Variants in ITGA8 observed in about 807,000 individuals in gnomAD.
The protein encoded by ITGA8 is integrin subunit alpha 8, also known as integrin alpha-8.
In ITGA8, 91 loss-of-function variants were observed where a neutral mutation model predicts 142.3. The observed-to-expected ratio is 0.64, with a 90% CI of 0.54 to 0.76. The LOEUF (loss-of-function observed/expected upper bound fraction) is 0.76. Ranked by LOEUF, ITGA8 falls within the 30% of genes least tolerant of loss-of-function variation. The probability of loss-of-function intolerance (pLI) is 0.00; values close to 1 mark genes in which losing one functional copy is unlikely to be tolerated. For synonymous variants in ITGA8, 505 were observed against 485.2 expected, an observed-to-expected ratio of 1.04 and a Z score of -0.54; for missense variants, 1,406 against 1,327.7, an observed-to-expected ratio of 1.06 and a Z score of -0.92.
intron 2 of ITGA8, among the ~76,000 whole-genome samples, chr10:15,704,853 C>T (rs1438640318): frequency 3.3e-5 from 5 of 152,158 alleles, no homozygotes; most frequent in Non-Finnish European, 5.9e-5. Context: ...ATAAATTTGC[C>T]TCCCAATAAC....
At chr10:15,662,020 T>G (rs1686905512) in intron 8 of ITGA8, among the ~76,000 whole-genome samples, 1 of 152,170 alleles carries the variant, frequency 6.6e-6, no homozygotes, top group Non-Finnish European at 1.5e-5. Flanking sequence ...ATTGGGCCAT[T>G]TGAGAAACAT....
chr10:15,664,646 C>T (rs1271788117), intron 8 of ITGA8, among the ~76,000 whole-genome samples: 18 of 150,050 alleles, frequency 1.2e-4, no homozygotes, highest in South Asian at 2.1e-4. Flanking sequence ...AGGTATATCT[C>T]CTAATGCTAT....
intron 21 of ITGA8, 52 bp downstream of exon 21, chr10:15,597,155 C>G: frequency 7.1e-7 from 1 of 1,407,566 alleles, no homozygotes; most frequent in Non-Finnish European, 1.0e-6. Flanking sequence ...CATTTGTTCC[C>G]TGTGAAGTCC....
At chr10:15,591,449 A>G (rs1487422904) in intron 22 of ITGA8, among the ~76,000 whole-genome samples, 4 of 145,670 alleles carry the variant, frequency 2.7e-5, no homozygotes, top group Non-Finnish European at 3.0e-5. Context: ...ATTATATTAT[A>G]TGTTACTTTC....
intron 19 of ITGA8, 133 bp downstream of exon 19, chr10:15,605,591 A>G: frequency 1.4e-6 from 1 of 722,742 alleles, no homozygotes; most frequent in Non-Finnish European, 2.4e-6. Context: ...CCCAAAGTGT[A>G]GCCAAGCTCA....
Position 15,575,536 on chromosome 10 carries a change from G to T in ITGA8, c.2431C>A (p.Pro811Thr), listed in dbSNP as rs992849177. ...PIHNWEPEEE[P>T]HKEEEVGPLV... ...GGTCCAACCTCCTCCTCTTTGTGGG[G>T]CTCCTCTTCTGGTTCCCAGTTATGA... Residue 811 changes from proline to threonine, a missense_variant, in exon 24 of 30, where the codon CCC (proline) becomes ACC (threonine). By Grantham distance (38) the Pro-to-Thr change is conservative. Coordinates refer to ENST00000378076, the MANE Select transcript of ITGA8 (RefSeq NM_003638.3). 7 of 1,613,864 alleles carry T rather than the reference G, an allele frequency of 4.3e-6. No homozygotes were observed. The African/African-American group carries it at 6.7e-5, about 15-fold the overall frequency.
chr10:15,581,923 A>T (rs1834415937), intron 23 of ITGA8, among the ~76,000 whole-genome samples: 1 of 152,212 alleles, frequency 6.6e-6, no homozygotes, highest in Non-Finnish European at 1.5e-5. Context: ...TGGTTTTTTC[A>T]ACAAATGGCA....
At chr10:15,661,049 TC>T in intron 8 of ITGA8, 127 bp from the exon 9 acceptor site, 1 of 807,832 alleles carries the variant, frequency 1.2e-6, no homozygotes, top group East Asian at 2.6e-5. Context: ...AGAGCAGGGG[TC>T]CCCAAGCCCC....
At chr10:15,524,361 A>G (rs998144416) in intron 28 of ITGA8, among the ~76,000 whole-genome samples, 1 of 152,350 alleles carries the variant, frequency 6.6e-6, no homozygotes, top group Middle Eastern at 3.4e-3. Flanking sequence ...TACTGGAAAG[A>G]GTTAGACAAG....
chr10:15,539,080 G>A (rs1385227443), intron 27 of ITGA8, among the ~76,000 whole-genome samples: 1 of 151,074 alleles, frequency 6.6e-6, no homozygotes, highest in Non-Finnish European at 1.5e-5. Flanking sequence ...CAAATATATA[G>A]GATATTTTGC....
intron 25 of ITGA8, among the ~76,000 whole-genome samples, chr10:15,561,226 T>TAC (rs750452088): frequency 0.051 from 5,462 of 106,444 alleles, 231 homozygotes; most frequent in African/African-American, 0.15. Context: ...TATATATATA[T>TAC]ATATATATGT....
At chr10:15,533,353 T>C (rs1175522715) in intron 27 of ITGA8, among the ~76,000 whole-genome samples, 1 of 152,240 alleles carries the variant, frequency 6.6e-6, no homozygotes, top group Non-Finnish European at 1.5e-5. Flanking sequence ...ATTCTAATGA[T>C]CTCTTCTCTC....
intron 8 of ITGA8, among the ~76,000 whole-genome samples, chr10:15,668,803 T>A (rs189978059): frequency 6.6e-6 from 1 of 152,308 alleles, no homozygotes; most frequent in Admixed American, 6.5e-5. Flanking sequence ...GGATATGAGA[T>A]TCTGTGTTGA....
intron 13 of ITGA8, among the ~76,000 whole-genome samples, chr10:15,629,514 G>T (rs1461325090): frequency 6.6e-6 from 1 of 151,922 alleles, no homozygotes; most frequent in Non-Finnish European, 1.5e-5. Flanking sequence ...AAAGAAAAAT[G>T]CAGATTCACT....
At chr10:15,524,422 G>A (rs1054192485) in intron 28 of ITGA8, among the ~76,000 whole-genome samples, 10 of 152,198 alleles carry the variant, frequency 6.6e-5, no homozygotes, top group African/African-American at 2.4e-4. Flanking sequence ...CTGCTGCACT[G>A]TAATGATTCA....
chr10:15,517,244 A>G lies in ITGA8; in HGVS notation c.3106T>C (p.Cys1036Arg), dbSNP rs1298202030. Reference protein sequence around the residue: ...LAILTLALWKCGFFDRARPPQ... With the variant: ...LAILTLALWKRGFFDRARPPQ... ...GGTCTGGCTCTGTCAAAGAATCCAC[A>G]CTATAAAGGGAAAGATGGGCTATAA... Residue 1036 changes from cysteine to arginine, a missense_variant and splice_region_variant, in exon 30 of 30, where the codon TGT (cysteine) becomes CGT (arginine). By Grantham distance (180) the Cys-to-Arg change is radical. Coordinates refer to ENST00000378076, the MANE Select transcript of ITGA8 (RefSeq NM_003638.3). The G allele has an allele frequency of 6.2e-7, 1 of 1,603,458 alleles. No individual in the cohort carries two copies. The highest frequency in any genetic ancestry group is 2.2e-5 in the East Asian group (1 of 44,802).
At chr10:15,662,137 C>T (rs1834299287) in intron 8 of ITGA8, among the ~76,000 whole-genome samples, 1 of 152,008 alleles carries the variant, frequency 6.6e-6, no homozygotes. Context: ...GACCACAACT[C>T]TAAGGAGTTA....
intron 6 of ITGA8, 145 bp downstream of exon 6, chr10:15,677,447 A>C: frequency 1.6e-6 from 1 of 631,604 alleles, no homozygotes; most frequent in Non-Finnish European, 2.6e-6. Flanking sequence ...TAAAAGCAAA[A>C]AAAAGAAATA....
intron 11 of ITGA8, 150 bp downstream of exon 11, chr10:15,655,204 C>G: frequency 2.0e-6 from 1 of 492,486 alleles, no homozygotes; most frequent in Non-Finnish European, 3.6e-6. Flanking sequence ...TTAATAGATG[C>G]ATCTTCTTGT....
Sources: allele counts gnomAD v4.1 joint callset (sites outside exome capture counted in the v4.1 genomes callset), GRCh38; gene constraint gnomAD v4.1.1; transcripts MANE v1.5; gene names NCBI Gene and HGNC (gene_info 2026-07-23, HGNC 2026-07-21).